RSRC1: variants seen among roughly 807,000 people sequenced by gnomAD.
The protein encoded by RSRC1 is serine/Arginine-related protein 53.
In RSRC1, 39 loss-of-function variants were observed where a neutral mutation model predicts 49.1. That is an observed-to-expected ratio of 0.79 (90% CI 0.61 to 1.04). The LOEUF (loss-of-function observed/expected upper bound fraction) is 1.04. RSRC1 is among the 50% of genes least tolerant of loss of function. RSRC1 has a pLI of 0.00. For missense variants in RSRC1, 388 were observed against 402.4 expected, an observed-to-expected ratio of 0.96 and a Z score of 0.31; for synonymous variants, 143 against 130.8, an observed-to-expected ratio of 1.09 and a Z score of -0.63.
intron 5 of RSRC1, among the ~76,000 whole-genome samples, chr3:158,316,400 C>T (rs1728447224): frequency 6.7e-6 from 1 of 148,156 alleles, no homozygotes; most frequent in South Asian, 2.1e-4. Flanking sequence ...CTCATTTTTC[C>T]ACCTGCTTTT....
intron 6 of RSRC1, among the ~76,000 whole-genome samples, chr3:158,453,249 TC>T (rs1233926712): frequency 2.6e-5 from 4 of 151,658 alleles, no homozygotes; most frequent in Non-Finnish European, 5.9e-5. Context: ...ATTTTCAAAC[TC>T]TTGTGCACAC....
intron 6 of RSRC1, among the ~76,000 whole-genome samples, chr3:158,371,148 T>G (rs143915106): frequency 6.6e-6 from 1 of 152,038 alleles, no homozygotes; most frequent in Non-Finnish European, 1.5e-5. Context: ...TGAGTTATAG[T>G]TATTTATATA....
chr3:158,393,488 A>G (rs1733436072), intron 6 of RSRC1, among the ~76,000 whole-genome samples: 1 of 152,032 alleles, frequency 6.6e-6, no homozygotes, highest in Non-Finnish European at 1.5e-5. Context: ...GGACATTACT[A>G]CCAACCCCAC....
intron 7 of RSRC1, among the ~76,000 whole-genome samples, chr3:158,481,840 A>G (rs1463447631): frequency 6.6e-6 from 1 of 152,014 alleles, no homozygotes; most frequent in Non-Finnish European, 1.5e-5. Flanking sequence ...TTTGTCATTT[A>G]AATGATAATA....
chr3:158,395,287 G>A (rs751663946), intron 6 of RSRC1, among the ~76,000 whole-genome samples: 4 of 151,754 alleles, frequency 2.6e-5, no homozygotes, highest in Admixed American at 6.6e-5. Flanking sequence ...ATTTCACGAC[G>A]AAGATACCAA....
At chr3:158,124,263 T>C (rs570328626) in intron 3 of RSRC1, among the ~76,000 whole-genome samples, 17 of 152,240 alleles carry the variant, frequency 1.1e-4, no homozygotes, top group Non-Finnish European at 2.1e-4. Context: ...GTAGGCTAGA[T>C]TGGGTTTCTT....
chr3:158,479,212 T>C (rs1001446215), intron 7 of RSRC1, among the ~76,000 whole-genome samples: 5 of 149,680 alleles, frequency 3.3e-5, no homozygotes, highest in Non-Finnish European at 7.4e-5. Context: ...TTGATTATGC[T>C]TTTAAATATA....
At chr3:158,114,249 A>G (rs546213108) in intron 1 of RSRC1, among the ~76,000 whole-genome samples, 1 of 152,350 alleles carries the variant, frequency 6.6e-6, no homozygotes, top group African/African-American at 2.4e-5. Context: ...TTTATTAAAT[A>G]GGGAGTCCTT....
At chr3:158,419,250 G>A (rs941651537) in intron 6 of RSRC1, among the ~76,000 whole-genome samples, 1 of 151,954 alleles carries the variant, frequency 6.6e-6, no homozygotes, top group Non-Finnish European at 1.5e-5. Flanking sequence ...CATGAAGTTA[G>A]TGTGAGATAC....
At chr3:158,479,469 C>T (rs1738523701) in intron 7 of RSRC1, among the ~76,000 whole-genome samples, 1 of 151,788 alleles carries the variant, frequency 6.6e-6, no homozygotes, top group African/African-American at 2.4e-5. Flanking sequence ...TTTGGTTTAA[C>T]ATATCCAAGT....
intron 7 of RSRC1, among the ~76,000 whole-genome samples, chr3:158,508,845 A>G (rs1740007398): frequency 6.6e-6 from 1 of 152,208 alleles, no homozygotes; most frequent in Admixed American, 6.5e-5. Context: ...ATCTCTTGAG[A>G]GATGAGGTCT....
At chr3:158,197,102 T>A (rs1451498645) in intron 3 of RSRC1, among the ~76,000 whole-genome samples, 1 of 152,206 alleles carries the variant, frequency 6.6e-6, no homozygotes, top group Non-Finnish European at 1.5e-5. Flanking sequence ...GTACCTCTGG[T>A]AGAATTTGGC....
At chr3:158,159,722 A>G (rs1386534468) in intron 3 of RSRC1, among the ~76,000 whole-genome samples, 2 of 151,928 alleles carry the variant, frequency 1.3e-5, no homozygotes, top group Non-Finnish European at 1.5e-5. Flanking sequence ...TTATTTCATC[A>G]CTCCATAGTT....
chr3:158,402,326 C>A, intron 6 of RSRC1, among the ~76,000 whole-genome samples: 1 of 151,708 alleles, frequency 6.6e-6, no homozygotes. Context: ...GCAAATCAGA[C>A]CCTCATCAGT....
intron 7 of RSRC1, among the ~76,000 whole-genome samples, chr3:158,518,132 A>G (rs1193431364): frequency 2.1e-4 from 17 of 81,918 alleles, no homozygotes; most frequent in East Asian, 1.2e-3. Context: ...GTGTGTATAT[A>G]TATATATATA....
chr3:158,276,076 A>C (rs1725791538), intron 4 of RSRC1: 1 of 874,756 alleles, frequency 1.1e-6, no homozygotes, highest in Admixed American at 1.7e-5. Context: ...GTAAGAATTC[A>C]GGACTCTTAG....
At chr3:158,488,020 A>G (rs931393826) in intron 7 of RSRC1, among the ~76,000 whole-genome samples, 4 of 151,016 alleles carry the variant, frequency 2.6e-5, no homozygotes, top group African/African-American at 7.3e-5. Context: ...CCAAGAGACA[A>G]TAATGGAACA....
At chr3:158,226,112 C>T (rs1722518240) in intron 4 of RSRC1, among the ~76,000 whole-genome samples, 4 of 151,948 alleles carry the variant, frequency 2.6e-5, no homozygotes. Context: ...TGTTTGGCTG[C>T]TGCTGGTTCC....
intron 4 of RSRC1, among the ~76,000 whole-genome samples, chr3:158,214,870 T>C (rs559348426): frequency 5.3e-5 from 8 of 151,950 alleles, no homozygotes; most frequent in African/African-American, 1.9e-4. Flanking sequence ...GAATGTTCCA[T>C]GTGTATTTTG....
Sources: gnomAD v4.1 joint callset for allele counts (sites outside exome capture counted in the v4.1 genomes callset) on GRCh38, gnomAD v4.1.1 for gene constraint, MANE v1.5 for transcripts, NCBI Gene and HGNC (gene_info 2026-07-23, HGNC 2026-07-21) for gene names.